Variants in KLHL28 observed in about 807,000 individuals in gnomAD.
KLHL28 encodes kelch-like protein 28.
A neutral mutation model predicts 48.3 loss-of-function variants in KLHL28; 22 were observed. The observed-to-expected ratio is 0.46, with a 90% CI of 0.33 to 0.65. The LOEUF (loss-of-function observed/expected upper bound fraction) is 0.65. Ranked by LOEUF, KLHL28 falls within the 30% of genes least tolerant of loss-of-function variation. The pLI, the probability that KLHL28 is intolerant of heterozygous loss-of-function variation, is 0.03. For missense variants in KLHL28, 527 were observed against 704.3 expected (o/e 0.75, Z 2.85); for synonymous variants, 243 against 242.4 (o/e 1.00, Z -0.02).
intron 4 of KLHL28, among the ~76,000 whole-genome samples, chr14:44,930,135 A>T (rs1424509890): frequency 6.6e-6 from 1 of 152,190 alleles, no homozygotes; most frequent in African/African-American, 2.4e-5. Context: ...CCTCTCAAGG[A>T]TACAAAAGAA....
chr14:44,929,931 G>C (rs1390657728), intron 4 of KLHL28, among the ~76,000 whole-genome samples: 4 of 151,692 alleles, frequency 2.6e-5, no homozygotes, highest in African/African-American at 9.7e-5. Context: ...CTTTCCATAG[G>C]CTATTTTTTT....
rs759616103 is a variant in KLHL28, at chr14:44,934,255, T to C, written c.1203A>G (p.Gln401=). The C allele has an allele frequency of 1.9e-6, 3 of 1,614,160 alleles. No individual in the cohort carries two copies. The highest frequency in any genetic ancestry group is 2.2e-5 in the East Asian group (1 of 44,880). The stretch of plus-strand genomic sequence containing the variant: ...TTTTGGGAATGTACTTCTCTACAGA[T>C]TGTAAATAAGATTGTCCATCATAAC... The part of the protein sequence containing the change: ...LGGYDGQSYL[Q]SVEKYIPKIR... Residue 401 remains glutamine (Q), a synonymous_variant, in exon 3 of 5, where the codon CAA becomes CAG. Transcript: ENST00000396128.
intron 2 of KLHL28, among the ~76,000 whole-genome samples, chr14:44,935,255 G>A (rs1326036997): frequency 2.0e-5 from 3 of 152,138 alleles, no homozygotes. Context: ...CAGGTAAAAC[G>A]AATCTCTGGA....
chr14:44,951,756 A>G (rs1194070493), intron 1 of KLHL28, among the ~76,000 whole-genome samples: 1 of 152,246 alleles, frequency 6.6e-6, no homozygotes, highest in Non-Finnish European at 1.5e-5. Flanking sequence ...TGCTTAATCA[A>G]AACAGTGTCA....
chr14:44,929,265 T>G (rs1256256783), intron 4 of KLHL28, 74 bp from the exon 5 acceptor site: 1 of 1,277,156 alleles, frequency 7.8e-7, no homozygotes, highest in Non-Finnish European at 1.1e-6. Context: ...AAAAATAAAT[T>G]TGTATTTTAA....
At chr14:44,959,857 T>C (rs540933667) in intron 1 of KLHL28, among the ~76,000 whole-genome samples, 58 of 152,214 alleles carry the variant, frequency 3.8e-4, no homozygotes, top group African/African-American at 1.3e-3. Flanking sequence ...TCTCTCTATA[T>C]ATGATTAAAT....
intron 2 of KLHL28, among the ~76,000 whole-genome samples, chr14:44,935,908 A>ATATATATATATATATATATATATAT (rs1555337914): frequency 7.5e-6 from 1 of 132,670 alleles, no homozygotes; most frequent in Non-Finnish European, 1.6e-5. Flanking sequence ...ATATATCTTT[A>ATATATATATATATATATATATATAT]CCCTCCCCCC....
At chr14:44,951,223 T>C (rs949433056) in intron 1 of KLHL28, among the ~76,000 whole-genome samples, 2 of 152,188 alleles carry the variant, frequency 1.3e-5, no homozygotes, top group African/African-American at 4.8e-5. Flanking sequence ...AACTGTCTCA[T>C]GACACACTTG....
In KLHL28 at chr14:44,935,890, G is replaced by GTGTA. The variant is rs1555337906; in HGVS notation, c.900-1333_900-1332insTACA. Among the ~76,000 whole-genome samples the GTGTA allele has an allele frequency of 1.0e-4, 6 of 59,092 alleles. 1 individual carries two copies. Among genetic ancestry groups the GTGTA allele is most frequent in the African/African-American group, 2.0e-4 (5 of 24,710 alleles). The allele number at this position is 59,092 out of a possible 152,430, so 38.8% of individuals were successfully genotyped here. On this transcript the variant is annotated intron_variant, in intron 2 of 4. Coordinates refer to ENST00000396128, the MANE Select transcript of KLHL28 (RefSeq NM_017658.5). ...TATGTGTATGTATATATATATGTGT[G>GTGTA]TATATATATATATCTTTACCCTCCC...
intron 2 of KLHL28, among the ~76,000 whole-genome samples, chr14:44,940,555 T>C (rs893347401): frequency 6.6e-6 from 1 of 152,168 alleles, no homozygotes; most frequent in African/African-American, 2.4e-5. Context: ...TTAAGTTACC[T>C]ACCCAATCCC....
chr14:44,952,066 G>C (rs1408460894), intron 1 of KLHL28, among the ~76,000 whole-genome samples: 1 of 151,904 alleles, frequency 6.6e-6, no homozygotes, highest in Non-Finnish European at 1.5e-5. Flanking sequence ...TCACCATGTT[G>C]CCTAGGCTAG....
Position 44,945,604 on chromosome 14 carries a change from G to T in KLHL28, c.325C>A (p.Leu109Met), listed in dbSNP as rs752764778. Residue 109 changes from leucine (L) to methionine (M), a missense_variant, in exon 2 of 5, where the codon CTG (leucine) becomes ATG (methionine). Transcript: ENST00000396128. ...FISQDTVESL[L>M]PAANLLQIKL... ...ATCTGGAGTAGGTTTGCTGCTGGCA[G>T]GAGAGATTCAACTGTGTCCTGAGAA... is the stretch of plus-strand genomic sequence containing the variant. 5 of 1,614,166 alleles carry T rather than the reference G, an allele frequency of 3.1e-6. No homozygotes were observed. The highest frequency in any genetic ancestry group is 4.2e-6 in the Non-Finnish European group (5 of 1,180,020).
chr14:44,939,628 A>G (rs1359607649), intron 2 of KLHL28, among the ~76,000 whole-genome samples: 4 of 152,160 alleles, frequency 2.6e-5, no homozygotes, highest in Non-Finnish European at 5.9e-5. Flanking sequence ...GGTCTTTGCT[A>G]ATATATAGCA....
intron 2 of KLHL28, among the ~76,000 whole-genome samples, chr14:44,944,386 C>T (rs1884233271): frequency 6.6e-6 from 1 of 152,142 alleles, no homozygotes; most frequent in East Asian, 1.9e-4. Context: ...GTAGATGCCA[C>T]AAAGATTACA....
chr14:44,945,302 A>C lies in KLHL28; in HGVS notation c.627T>G (p.Asp209Glu). 6.2e-7 allele frequency: 1 copy of C among 1,614,186 alleles called. No individual in the cohort carries two copies. The highest frequency in any genetic ancestry group is 8.5e-7 in the Non-Finnish European group (1 of 1,180,022). The change falls in exon 2 of 5, where the codon GAT becomes GAG. Residue 209 changes from aspartate (D) to glutamate (E), a missense_variant. Coordinates refer to ENST00000396128, the MANE Select transcript of KLHL28 (RefSeq NM_017658.5). ...CTAAGTATTTCTGGCGTTCTTGTAC[A>C]TCATACTTGATCCAAGACTCTAATG... ...FYALESWIKY[D>E]VQERQKYLAQ...
intron 2 of KLHL28, among the ~76,000 whole-genome samples, chr14:44,937,148 CT>C (rs1157419168): frequency 0.013 from 1,847 of 139,640 alleles, 14 homozygotes; most frequent in Admixed American, 0.015. Context: ...TTGTTTTTTT[CT>C]TTTTTTTTTT....
At chr14:44,944,899 GA>G (rs969508167) in intron 2 of KLHL28, 130 bp downstream of exon 2, 62 of 669,288 alleles carry the variant, frequency 9.3e-5, no homozygotes, top group Middle Eastern at 4.4e-4. Context: ...TTAGGAAGAA[GA>G]AAAAAAACTA....
chr14:44,958,892 C>G (rs958123215), intron 1 of KLHL28, among the ~76,000 whole-genome samples: 6 of 151,794 alleles, frequency 4.0e-5, no homozygotes, highest in Admixed American at 2.0e-4. Context: ...GAAGATAAAC[C>G]TAAGTAGATG....
In KLHL28 at chr14:44,929,046, A is replaced by G. The variant is rs1214478961; in HGVS notation, c.1698T>C (p.Phe566=). The change falls in exon 5 of 5, where the codon TTT becomes TTC. Residue 566 remains phenylalanine, a synonymous_variant. Transcript: ENST00000396128. The part of the protein sequence containing the change: ...SAGMIYCRCN[F]GLTAL Reference sequence around the variant, plus strand: ...ACATTTGTCAAAGTGCAGTTAACCCAAAGTTGCAGCGACAGTATATCATGC... The same window carrying G: ...ACATTTGTCAAAGTGCAGTTAACCCGAAGTTGCAGCGACAGTATATCATGC... 6.2e-7 allele frequency: 1 copy of G among 1,613,882 alleles called. No homozygotes were observed. The highest frequency in any genetic ancestry group is 8.5e-7 in the Non-Finnish European group (1 of 1,179,934).
Sources: allele counts gnomAD v4.1 joint callset (sites outside exome capture counted in the v4.1 genomes callset), GRCh38; gene constraint gnomAD v4.1.1; transcripts MANE v1.5; gene names NCBI Gene and HGNC (gene_info 2026-07-23, HGNC 2026-07-21).